ZC2HC1A: variants seen among roughly 807,000 people sequenced by gnomAD.
The protein encoded by ZC2HC1A is zinc finger C2HC-type containing 1A, also known as zinc finger C2HC domain-containing protein 1A.
In ZC2HC1A, 28 loss-of-function variants were observed where a neutral mutation model predicts 40.7. The observed-to-expected ratio is 0.69, with a 90% CI of 0.51 to 0.94. The LOEUF is 0.94. Ranked by LOEUF, ZC2HC1A falls within the 40% of genes least tolerant of loss-of-function variation. The pLI is 0.00. For synonymous variants in ZC2HC1A, 129 were observed against 129.2 expected, an observed-to-expected ratio of 1.00 and a Z score of 0.01; for missense variants, 389 against 386.3, an observed-to-expected ratio of 1.01 and a Z score of -0.06.
chr8:78,683,951 A>G (rs1297164733), intron 3 of ZC2HC1A, among the ~76,000 whole-genome samples: 1 of 152,198 alleles, frequency 6.6e-6, no homozygotes, highest in Non-Finnish European at 1.5e-5. Context: ...TCCATTTCCC[A>G]GCAAGTTCTT....
chr8:78,696,264 G>A (rs1366423222), intron 5 of ZC2HC1A, among the ~76,000 whole-genome samples: 2 of 152,228 alleles, frequency 1.3e-5, no homozygotes, highest in East Asian at 1.9e-4. Context: ...TCGATCTCCT[G>A]ACCTTGTGAT....
intron 7 of ZC2HC1A, among the ~76,000 whole-genome samples, chr8:78,699,154 A>T (rs1810522040): frequency 1.3e-5 from 2 of 151,954 alleles, no homozygotes; most frequent in East Asian, 3.9e-4. Flanking sequence ...TAGCTACTGA[A>T]CTCCATGTGT....
intron 6 of ZC2HC1A, among the ~76,000 whole-genome samples, 157 bp from the exon 7 acceptor site, chr8:78,698,257 G>A (rs1810494498): frequency 6.6e-6 from 1 of 152,192 alleles, no homozygotes; most frequent in Non-Finnish European, 1.5e-5. Flanking sequence ...GATGCTATAT[G>A]TCGTCCTCTG....
At chr8:78,707,563 G>A (rs953651297) in intron 7 of ZC2HC1A, among the ~76,000 whole-genome samples, 10 of 152,182 alleles carry the variant, frequency 6.6e-5, no homozygotes, top group Admixed American at 6.5e-5. Context: ...GAGATTTTGA[G>A]TACAATAATT....
At chr8:78,668,466 C>G (rs1315932442) in intron 1 of ZC2HC1A, among the ~76,000 whole-genome samples, 1 of 152,096 alleles carries the variant, frequency 6.6e-6, no homozygotes, top group Non-Finnish European at 1.5e-5. Flanking sequence ...AGACATTAAT[C>G]TTGGCTATAA....
At chr8:78,686,356 T>C (rs1186164110) in intron 3 of ZC2HC1A, 111 bp from the exon 4 acceptor site, 2 of 932,264 alleles carry the variant, frequency 2.1e-6, no homozygotes, top group Non-Finnish European at 2.8e-6. Flanking sequence ...ATTTAAGGAC[T>C]CCTGATAAGA....
At chr8:78,696,333 C>A (rs1028654243) in intron 5 of ZC2HC1A, among the ~76,000 whole-genome samples, 1 of 152,116 alleles carries the variant, frequency 6.6e-6, no homozygotes, top group African/African-American at 2.4e-5. Flanking sequence ...CGTGCCCAGC[C>A]CGTTAAAACC....
chr8:78,667,784 C>G (rs1371509807), intron 1 of ZC2HC1A, among the ~76,000 whole-genome samples: 9 of 152,072 alleles, frequency 5.9e-5, no homozygotes, highest in African/African-American at 1.9e-4. Flanking sequence ...TAAGATATTA[C>G]TATTGAAACC....
At chr8:78,669,022 AC>A (rs1229236530) in intron 1 of ZC2HC1A, among the ~76,000 whole-genome samples, 1 of 152,150 alleles carries the variant, frequency 6.6e-6, no homozygotes, top group East Asian at 1.9e-4. Context: ...TGATTAGAAG[AC>A]TGATTGCTCT....
intron 1 of ZC2HC1A, among the ~76,000 whole-genome samples, chr8:78,672,411 G>C (rs552194677): frequency 1.3e-5 from 2 of 151,874 alleles, no homozygotes; most frequent in Non-Finnish European, 2.9e-5. Context: ...TAATACATGC[G>C]GTTTGCATAA....
At position 78,669,967 on chromosome 8, in the gene ZC2HC1A, C is replaced by CG. The variant is rs1809395512; in HGVS notation, c.16+3803_16+3804insG. ...AATGTATTTCTTTCTTTCTTTCTTT[C>CG]TTTCTTTTTTTTTTTTTGATACGGA... On this transcript the variant is annotated intron_variant, in intron 1 of 8. Transcript: ENST00000263849. 3.3e-5 allele frequency among the ~76,000 whole-genome samples: 4 copies of CG among 123,036 alleles called. No individual in the cohort carries two copies. In the Admixed American group the frequency reaches 3.4e-4, roughly 11 times the overall value. 80.7% of individuals were successfully genotyped at this position (123,036 alleles called of 152,430 possible).
At chr8:78,687,249 C>T (rs1049045857) in intron 4 of ZC2HC1A, among the ~76,000 whole-genome samples, 2 of 151,798 alleles carry the variant, frequency 1.3e-5, no homozygotes, top group African/African-American at 4.8e-5. Flanking sequence ...GTTAATGTAA[C>T]AGGGTAGCCA....
At chr8:78,697,675 T>C (rs1260645515) in intron 6 of ZC2HC1A, among the ~76,000 whole-genome samples, 169 bp downstream of exon 6, 1 of 151,292 alleles carries the variant, frequency 6.6e-6, no homozygotes, top group Non-Finnish European at 1.5e-5. Context: ...TAGTTTCTAC[T>C]TTTAACCTTT....
intron 7 of ZC2HC1A, among the ~76,000 whole-genome samples, chr8:78,701,643 G>T (rs1321857902): frequency 6.6e-6 from 1 of 152,068 alleles, no homozygotes; most frequent in African/African-American, 2.4e-5. Flanking sequence ...GTCATAAGTG[G>T]CTAATATTTT....
intron 1 of ZC2HC1A, among the ~76,000 whole-genome samples, chr8:78,674,802 A>G (rs1399253928): frequency 6.6e-6 from 1 of 152,166 alleles, no homozygotes; most frequent in Non-Finnish European, 1.5e-5. Context: ...GTCTTGGATC[A>G]GGTTATATGG....
At chr8:78,698,951 A>G (rs906578641) in intron 7 of ZC2HC1A, among the ~76,000 whole-genome samples, 1 of 152,198 alleles carries the variant, frequency 6.6e-6, no homozygotes, top group Non-Finnish European at 1.5e-5. Context: ...GTTAGACGCA[A>G]TATATAAATT....
rs982087058 is a variant in ZC2HC1A at position 78,719,276 on chromosome 8, A to G, written c.*1783A>G. On this transcript the variant is annotated 3_prime_UTR_variant, in exon 9 of 9. Transcript: ENST00000263849. ...TAATTCTTTTTGTCTGCTCAAGGAA[A>G]GGATAGATAAATAATTGGCACACAT... The G allele has an allele frequency of 2.0e-5, 3 of 151,746 alleles. No homozygotes were observed. Among genetic ancestry groups the G allele is most frequent in the Admixed American group, 2.0e-4 (3 of 15,228 alleles). 9.4% of individuals were successfully genotyped at this position (151,746 alleles called of 1,614,324 possible).
At chr8:78,690,021 A>C (rs973707219) in intron 5 of ZC2HC1A, among the ~76,000 whole-genome samples, 3 of 152,032 alleles carry the variant, frequency 2.0e-5, no homozygotes, top group Admixed American at 6.6e-5. Flanking sequence ...TTCTATGTGG[A>C]TATTCTATTG....
intron 7 of ZC2HC1A, among the ~76,000 whole-genome samples, chr8:78,698,760 A>C (rs1810511803): frequency 6.6e-6 from 1 of 152,180 alleles, no homozygotes; most frequent in Admixed American, 6.5e-5. Context: ...ACTTCTGGGA[A>C]TTTAGTCTAA....
Sources: allele counts gnomAD v4.1 joint callset (sites outside exome capture counted in the v4.1 genomes callset), GRCh38; gene constraint gnomAD v4.1.1; transcripts MANE v1.5; gene names NCBI Gene and HGNC (gene_info 2026-07-23, HGNC 2026-07-21).